Variants in MAP3K1 observed in about 807,000 individuals in gnomAD.
MAP3K1 encodes the protein mitogen-activated protein kinase kinase kinase 1, also known as MAP/ERK kinase kinase 1.
MAP3K1 carries 36 observed loss-of-function variants against 144.2 expected under a neutral mutation model. The ratio of observed to expected loss-of-function variants is 0.25; its 90% confidence interval spans 0.19 to 0.33. The LOEUF is 0.33. Ranked by LOEUF, MAP3K1 falls within the 10% of genes least tolerant of loss-of-function variation. MAP3K1 has a pLI of 1.00. For synonymous variants in MAP3K1, 718 were observed against 688.7 expected (o/e 1.04, Z -0.67); for missense variants, 1,650 against 1,881.9 (o/e 0.88, Z 2.28).
Position 56,886,524 on chromosome 5 carries a change from G to A in MAP3K1, c.4114+461G>A, listed in dbSNP as rs1002925835. Among the ~76,000 whole-genome samples the A allele has an allele frequency of 3.9e-5, 6 of 152,058 alleles. No individual in the cohort carries two copies. The South Asian group carries it at 6.2e-4, about 16-fold the overall frequency. On this transcript the variant is annotated intron_variant, in intron 17 of 19. Coordinates refer to ENST00000399503, the MANE Select transcript of MAP3K1 (RefSeq NM_005921.2). ...AGGGATCATTTAATCTGCCTTCCTC[G>A]TTTAATAGAAAAGTACATTGAATAC...
rs1254498883 is a variant in MAP3K1, at chr5:56,872,972, TG to T, written c.1654del (p.Ala552LeufsTer5). ...THYGTQQIPP[A>X]YKDLAEPWIQ... Reference sequence around the variant, plus strand: ...ATTATGGAACTCAGCAAATCCCTCCTGCTTACAAAGATTTAGCTGAGCCATG... The same window carrying T: ...ATTATGGAACTCAGCAAATCCCTCCTCTTACAAAGATTTAGCTGAGCCATG... On this transcript the variant is annotated frameshift_variant, in exon 9 of 20. Transcript: ENST00000399503. LOFTEE classifies it high-confidence loss of function. The T allele has an allele frequency of 6.2e-7, 1 of 1,614,084 alleles. No homozygotes were observed.
Position 56,882,929 on chromosome 5 carries a change from C to T in MAP3K1, c.3666+63C>T, listed in dbSNP as rs994834238. On this transcript the variant is annotated intron_variant, in intron 14 of 19. Transcript: ENST00000399503. ...TGGGGCTGGGCACAGTGACTCATACCTGGAATTCCAGCACTTGGGGAGGCT... is the reference window on the plus strand; with the variant it reads ...TGGGGCTGGGCACAGTGACTCATACTTGGAATTCCAGCACTTGGGGAGGCT... 6.0e-6 allele frequency: 8 copies of T among 1,324,844 alleles called. No homozygotes were observed. In the East Asian group the frequency reaches 1.9e-4, roughly 31 times the overall value. The allele number at this position is 1,324,844 out of a possible 1,614,324, so 82.1% of individuals were successfully genotyped here. A position where few individuals can be genotyped will look rare whatever the true frequency, so the allele number is the denominator to read the frequency against.
At chr5:56,848,639 ATTTT>A (rs1347305716) in intron 1 of MAP3K1, among the ~76,000 whole-genome samples, 3 of 152,178 alleles carry the variant, frequency 2.0e-5, no homozygotes, top group Non-Finnish European at 2.9e-5. Context: ...TTTTATATAT[ATTTT>A]ATGTTTCTAT....
At chr5:56,879,906 T>G (rs1343516340) in intron 11 of MAP3K1, among the ~76,000 whole-genome samples, 1 of 152,220 alleles carries the variant, frequency 6.6e-6, no homozygotes, top group Non-Finnish European at 1.5e-5. Flanking sequence ...GTTCTCTCAG[T>G]ACAACCTTTC....
rs2111945913 is a variant in MAP3K1, at chr5:56,882,330, C to T, written c.3130C>T (p.Pro1044Ser). 1 of 1,614,196 alleles carries T rather than the reference C, an allele frequency of 6.2e-7. No individual in the cohort carries two copies. Among genetic ancestry groups the T allele is most frequent in the Non-Finnish European group, 8.5e-7 (1 of 1,180,046 alleles). Residue 1044 changes from proline (P) to serine (S), a missense_variant, in exon 14 of 20, where the codon CCA becomes TCA. By Grantham distance (74) the Pro-to-Ser change is moderately conservative (BLOSUM62 -1). Coordinates refer to ENST00000399503, the MANE Select transcript of MAP3K1 (RefSeq NM_005921.2). ...PENKDSDKLS[P>S]VFTQSRPLPS... ...AAACAAAGACTCAGATAAACTTTCC[C>T]CAGTCTTTACTCAGTCAAGACCCTT...
rs1301902832 is a variant in MAP3K1 at position 56,871,773 on chromosome 5, G to A, written c.1302-137G>A. ...TACTGTATATTAATAGTGTAAATAT[G>A]TATCTCTTAGTTATATAAGATGCTC... On this transcript the variant is annotated intron_variant, in intron 6 of 19. Transcript: ENST00000399503. 7.0e-6 allele frequency: 5 copies of A among 713,468 alleles called. No individual in the cohort carries two copies. The East Asian group carries it at 1.4e-4, about 19-fold the overall frequency. 44.2% of individuals were successfully genotyped at this position (713,468 alleles called of 1,614,324 possible). A position where few individuals can be genotyped will look rare whatever the true frequency, so the allele number is the denominator to read the frequency against.
intron 9 of MAP3K1, 88 bp downstream of exon 9, chr5:56,873,093 T>A (rs1055521998): frequency 2.7e-5 from 35 of 1,278,152 alleles, no homozygotes; most frequent in Non-Finnish European, 3.8e-5. Context: ...GTTCATAATT[T>A]AAAAAAACAC....
At chr5:56,885,449 T>C (rs1748352063) in intron 16 of MAP3K1, among the ~76,000 whole-genome samples, 1 of 152,218 alleles carries the variant, frequency 6.6e-6, no homozygotes, top group Admixed American at 6.5e-5. Flanking sequence ...GTAGATAGGT[T>C]GACTACTATA....
intron 17 of MAP3K1, among the ~76,000 whole-genome samples, chr5:56,886,613 G>T (rs1748385260): frequency 1.3e-5 from 2 of 152,136 alleles, no homozygotes; most frequent in African/African-American, 4.8e-5. Context: ...TACAACACAG[G>T]TCTCCAGATT....
intron 10 of MAP3K1, 74 bp from the exon 11 acceptor site, chr5:56,878,906 T>G (rs950077274): frequency 7.4e-7 from 1 of 1,346,434 alleles, no homozygotes; most frequent in Non-Finnish European, 1.1e-6. Flanking sequence ...GTTGCTCAAA[T>G]TGTCTCAAAT....
chr5:56,831,371 C>T (rs552405496), intron 1 of MAP3K1, among the ~76,000 whole-genome samples: 72 of 152,150 alleles, frequency 4.7e-4, no homozygotes, highest in African/African-American at 1.6e-3. Flanking sequence ...CAGAATCCAT[C>T]GCAAACCAGT....
At position 56,882,560 on chromosome 5, in the gene MAP3K1, C is replaced by T. The variant is rs1385417212; in HGVS notation, c.3360C>T (p.Cys1120=). The T allele has an allele frequency of 1.9e-6, 3 of 1,614,134 alleles. No individual in the cohort carries two copies. The highest frequency in any genetic ancestry group is 3.3e-4 in the Middle Eastern group (2 of 6,060). ...TGTTCACCCCAGTAGAGGAGAAATG[C>T]AGATTAGATGTCAATACAGAGCTCA... ...ETVFTPVEEK[C]RLDVNTELNS... is the part of the protein sequence containing the mutation. The change falls in exon 14 of 20, where the codon TGC becomes TGT. Residue 1120 remains cysteine (C), a synonymous_variant. Transcript: ENST00000399503.
chr5:56,853,322 T>C (rs1489102900), intron 1 of MAP3K1, among the ~76,000 whole-genome samples: 1 of 152,192 alleles, frequency 6.6e-6, no homozygotes, highest in Non-Finnish European at 1.5e-5. Flanking sequence ...CAGATTAATT[T>C]AGGAACAGTG....
Position 56,879,062 on chromosome 5 carries a change from T to C in MAP3K1, c.2048T>C (p.Val683Ala), listed in dbSNP as rs1476617059. Reference sequence around the variant, plus strand: ...AAACTTCAGAGACTTCTCCAGCCAGTTGTAGACACCATCCTAGTCAAATGT... The same window carrying C: ...AAACTTCAGAGACTTCTCCAGCCAGCTGTAGACACCATCCTAGTCAAATGT... ...RIKLQRLLQP[V>A]VDTILVKCAD... The change falls in exon 11 of 20, where the codon GTT (valine) becomes GCT (alanine). Residue 683 changes from valine (V) to alanine (A), a missense_variant. By Grantham distance (64) the Val-to-Ala change is moderately conservative. Transcript: ENST00000399503. The C allele has an allele frequency of 1.9e-6, 3 of 1,613,968 alleles. No homozygotes were observed. Among genetic ancestry groups the C allele is most frequent in the Non-Finnish European group, 2.5e-6 (3 of 1,179,862 alleles).
In MAP3K1 at chr5:56,875,039, G is replaced by A. The variant is rs1747980342; in HGVS notation, c.1694G>A (p.Gly565Glu). Residue 565 changes from glycine to glutamate, a missense_variant, in exon 10 of 20, where the codon GGA (glycine) becomes GAA (glutamate). Coordinates refer to ENST00000399503, the MANE Select transcript of MAP3K1 (RefSeq NM_005921.2). ...DLAEPWIQVF[G>E]MELVGCLFSR... ...CGTGTGTGTTTGATACAGGTGTTTG[G>A]AATGGAACTCGTTGGCTGCTTATTT... is the stretch of plus-strand genomic sequence containing the variant. The A allele has an allele frequency of 2.5e-6, 4 of 1,614,184 alleles. No individual in the cohort carries two copies. The highest frequency in any genetic ancestry group is 3.4e-6 in the Non-Finnish European group (4 of 1,180,020).
At chr5:56,817,136 T>G (rs1746002676) in intron 1 of MAP3K1, 2 of 984,008 alleles carry the variant, frequency 2.0e-6, no homozygotes, top group Admixed American at 1.2e-4. Flanking sequence ...ACCAGCGGTT[T>G]ATTGGCCTCG....
At chr5:56,816,226 G>T (rs1745962288) in intron 1 of MAP3K1, among the ~76,000 whole-genome samples, 171 bp downstream of exon 1, 1 of 152,106 alleles carries the variant, frequency 6.6e-6, no homozygotes, top group East Asian at 1.9e-4. Flanking sequence ...GTCGGGCGGC[G>T]CCCCGGACCC....
chr5:56,847,990 T>C (rs780948165), intron 1 of MAP3K1, among the ~76,000 whole-genome samples: 1 of 152,190 alleles, frequency 6.6e-6, no homozygotes, highest in African/African-American at 2.4e-5. Context: ...TAAGAACATT[T>C]AGTATAGGAG....
Position 56,864,446 on chromosome 5 carries a change from C to T in MAP3K1, c.835-288C>T, listed in dbSNP as rs142377254. On this transcript the variant is annotated intron_variant, in intron 3 of 19. Transcript: ENST00000399503. ...AGGCTGGAGTGCAGTGGCACAATCT[C>T]GGCTTACTGCAACCTCCATCCCAGG... Among the ~76,000 whole-genome samples, 1,385 of 150,100 alleles carry T rather than the reference C, an allele frequency of 9.2e-3. 22 individuals are homozygous for T. Among genetic ancestry groups the T allele is most frequent in the African/African-American group, 0.033 (1,328 of 40,798 alleles).
Sources: gnomAD v4.1 joint callset for allele counts (sites outside exome capture counted in the v4.1 genomes callset) on GRCh38, gnomAD v4.1.1 for gene constraint, MANE v1.5 for transcripts, NCBI Gene and HGNC (gene_info 2026-07-23, HGNC 2026-07-21) for gene names.